MDGA2: variants seen among roughly 807,000 people sequenced by gnomAD.
The protein encoded by MDGA2 is MAM domain-containing glycosylphosphatidylinositol anchor protein 2.
A neutral mutation model predicts 117.8 loss-of-function variants in MDGA2; 40 were observed. The ratio of observed to expected loss-of-function variants is 0.34; its 90% CI spans 0.26 to 0.44. The LOEUF is 0.44. Among genes scored for constraint, MDGA2 ranks in the 20% least tolerant of loss-of-function variants. The pLI is 1.00. For synonymous variants in MDGA2, 452 were observed against 439.0 expected, an observed-to-expected ratio of 1.03 and a Z score of -0.37; for missense variants, 1,123 against 1,250.6, an observed-to-expected ratio of 0.90 and a Z score of 1.54.
chr14:47,610,172 T>C (rs1413319049), intron 1 of MDGA2, among the ~76,000 whole-genome samples: 1 of 152,042 alleles, frequency 6.6e-6, no homozygotes, highest in Admixed American at 6.6e-5. Context: ...TATACCTCAA[T>C]GTAATAAAAG....
intron 14 of MDGA2, among the ~76,000 whole-genome samples, chr14:46,859,406 A>G (rs998487575): frequency 6.6e-6 from 1 of 152,120 alleles, no homozygotes; most frequent in African/African-American, 2.4e-5. Flanking sequence ...CCCCATACAG[A>G]CTTTTGGATT....
intron 1 of MDGA2, among the ~76,000 whole-genome samples, chr14:47,389,881 TAA>T (rs1374853414): frequency 6.6e-5 from 10 of 152,192 alleles, no homozygotes; most frequent in Non-Finnish European, 1.2e-4. Flanking sequence ...CAAAGGACTT[TAA>T]AAGGATAGTA....
chr14:47,500,956 G>A (rs1894386875), intron 1 of MDGA2, among the ~76,000 whole-genome samples: 1 of 152,036 alleles, frequency 6.6e-6, no homozygotes, highest in Non-Finnish European at 1.5e-5. Context: ...AATAGATCTA[G>A]GTAATGATCA....
chr14:47,607,062 G>A (rs1300366390), intron 1 of MDGA2, among the ~76,000 whole-genome samples: 2 of 151,956 alleles, frequency 1.3e-5, no homozygotes, highest in Admixed American at 1.3e-4. Context: ...AAGATTATTT[G>A]GTCAATGACT....
At chr14:47,507,642 A>G (rs1473966437) in intron 1 of MDGA2, among the ~76,000 whole-genome samples, 1 of 152,160 alleles carries the variant, frequency 6.6e-6, no homozygotes, top group Non-Finnish European at 1.5e-5. Flanking sequence ...AGTGATTTCA[A>G]CTTGTCCCTA....
intron 1 of MDGA2, among the ~76,000 whole-genome samples, chr14:47,411,166 G>A (rs545106473): frequency 7.2e-5 from 11 of 152,126 alleles, no homozygotes; most frequent in African/African-American, 2.6e-4. Flanking sequence ...CAAAAAGAAA[G>A]GCAAGATAAT....
At chr14:47,655,630 A>T (rs1566561168) in intron 1 of MDGA2, among the ~76,000 whole-genome samples, 2 of 152,156 alleles carry the variant, frequency 1.3e-5, no homozygotes, top group Non-Finnish European at 2.9e-5. Flanking sequence ...AGACAAATTG[A>T]TGCACATTCC....
chr14:46,886,479 T>C (rs1432966900), intron 10 of MDGA2, among the ~76,000 whole-genome samples: 1 of 151,956 alleles, frequency 6.6e-6, no homozygotes, highest in African/African-American at 2.4e-5. Flanking sequence ...AATAAAGAAA[T>C]GAAGAGAAAT....
At chr14:47,385,434 A>C (rs971465538) in intron 1 of MDGA2, among the ~76,000 whole-genome samples, 1 of 152,130 alleles carries the variant, frequency 6.6e-6, no homozygotes, top group Admixed American at 6.5e-5. Context: ...TTTGTATATG[A>C]AATTATCTAT....
intron 2 of MDGA2, among the ~76,000 whole-genome samples, chr14:47,292,901 T>G (rs1425667376): frequency 1.3e-5 from 2 of 152,238 alleles, no homozygotes; most frequent in Non-Finnish European, 2.9e-5. Flanking sequence ...AAACCCTTGT[T>G]GATAAACGAA....
intron 2 of MDGA2, among the ~76,000 whole-genome samples, chr14:47,287,183 T>C (rs1888715656): frequency 6.6e-6 from 1 of 151,984 alleles, no homozygotes; most frequent in Non-Finnish European, 1.5e-5. Flanking sequence ...GCCTATAATC[T>C]CATTCACTCC....
At chr14:46,866,565 T>C (rs1466585919) in intron 14 of MDGA2, among the ~76,000 whole-genome samples, 2 of 151,886 alleles carry the variant, frequency 1.3e-5, no homozygotes, top group Non-Finnish European at 2.9e-5. Context: ...CTAAAGAGCT[T>C]CTGCACAGCA....
At chr14:46,930,005 T>A (rs541728769) in intron 9 of MDGA2, among the ~76,000 whole-genome samples, 240 of 151,974 alleles carry the variant, frequency 1.6e-3, no homozygotes, top group Non-Finnish European at 3.1e-3. Flanking sequence ...TGACAGGTTA[T>A]TTGTGCTCCT....
chr14:47,404,269 T>C (rs2138470205), intron 1 of MDGA2, among the ~76,000 whole-genome samples: 1 of 151,442 alleles, frequency 6.6e-6, no homozygotes, highest in Admixed American at 6.6e-5. Context: ...CACTGCAACC[T>C]CCACCTCCTG....
intron 1 of MDGA2, among the ~76,000 whole-genome samples, chr14:47,446,597 GA>G (rs1252776522): frequency 4.0e-5 from 6 of 151,136 alleles, no homozygotes; most frequent in Middle Eastern, 3.4e-3. Flanking sequence ...GGTAAAAAGA[GA>G]AAAAAAAATT....
chr14:46,848,671 A>G (rs2138280371), intron 15 of MDGA2, among the ~76,000 whole-genome samples: 1 of 151,112 alleles, frequency 6.6e-6, no homozygotes, highest in East Asian at 1.9e-4. Context: ...AAAGTCCCAG[A>G]GCAGTGAAAT....
At position 46,927,129 on chromosome 14, in the gene MDGA2, C is replaced by T. The variant is rs369758180; in HGVS notation, c.2090-6969G>A. ...AAGGCTTATTGTTTTAGATTCAAAG[C>T]CATATAAAAGTATGTGTCATGAAAT... On this transcript the variant is annotated intron_variant, in intron 9 of 16. Transcript: ENST00000399232. 2.0e-5 allele frequency among the ~76,000 whole-genome samples: 3 copies of T among 151,910 alleles called. No homozygotes were observed. In the East Asian group the frequency reaches 5.8e-4, roughly 29 times the overall value.
At chr14:46,867,334 T>G (rs1052949972) in intron 14 of MDGA2, among the ~76,000 whole-genome samples, 20 of 152,026 alleles carry the variant, frequency 1.3e-4, no homozygotes, top group Admixed American at 1.2e-3. Flanking sequence ...TAGGTGGGAA[T>G]TGAACAATGA....
intron 1 of MDGA2, among the ~76,000 whole-genome samples, chr14:47,435,665 T>C (rs978659914): frequency 2.4e-4 from 36 of 152,106 alleles, no homozygotes; most frequent in African/African-American, 8.4e-4. Context: ...GCATTCATGG[T>C]AACAACTCAC....
Sources: gnomAD v4.1 joint callset for allele counts (sites outside exome capture counted in the v4.1 genomes callset) on GRCh38, gnomAD v4.1.1 for gene constraint, MANE v1.5 for transcripts, NCBI Gene and HGNC (gene_info 2026-07-23, HGNC 2026-07-21) for gene names.